FNDC3B: variants seen among roughly 807,000 people sequenced by gnomAD.
FNDC3B encodes fibronectin type III domain containing 3B.
A neutral mutation model predicts 151.5 loss-of-function variants in FNDC3B; 12 were observed. The ratio of observed to expected loss-of-function variants is 0.08; its 90% CI spans 0.05 to 0.13. The LOEUF (loss-of-function observed/expected upper bound fraction) is 0.13, where lower values mean the gene tolerates loss of function less well. Ranked by LOEUF, FNDC3B falls within the 10% of genes least tolerant of loss-of-function variation. The probability of loss-of-function intolerance (pLI) is 1.00; values close to 1 mark genes in which losing one functional copy is unlikely to be tolerated. For missense variants in FNDC3B, 1,214 were observed against 1,505.3 expected (o/e 0.81, Z 3.20); for synonymous variants, 528 against 549.0 (o/e 0.96, Z 0.54).
At chr3:172,169,176 G>A (rs572972456) in intron 3 of FNDC3B, among the ~76,000 whole-genome samples, 7 of 152,230 alleles carry the variant, frequency 4.6e-5, no homozygotes, top group Non-Finnish European at 8.8e-5. Flanking sequence ...GTCAGCACTC[G>A]GTCATGTCTG....
chr3:172,299,268 A>G (rs1730783398), intron 9 of FNDC3B, among the ~76,000 whole-genome samples: 1 of 152,240 alleles, frequency 6.6e-6, no homozygotes, highest in Non-Finnish European at 1.5e-5. Context: ...TCTGATGAGA[A>G]TTAACTCAAT....
intron 1 of FNDC3B, among the ~76,000 whole-genome samples, chr3:172,043,788 T>A (rs1048842943): frequency 1.3e-5 from 2 of 152,202 alleles, no homozygotes; most frequent in African/African-American, 4.8e-5. Flanking sequence ...ATCTTTAAAT[T>A]GTATCTTTTT....
At chr3:172,262,181 A>C (rs1576850167) in intron 6 of FNDC3B, among the ~76,000 whole-genome samples, 2 of 152,366 alleles carry the variant, frequency 1.3e-5, no homozygotes, top group East Asian at 3.9e-4. Flanking sequence ...AAAAATGGGC[A>C]GAAAATAAGA....
chr3:172,262,837 C>T (rs1039577535), intron 6 of FNDC3B, among the ~76,000 whole-genome samples: 5 of 122,938 alleles, frequency 4.1e-5, no homozygotes, highest in Non-Finnish European at 7.9e-5. Context: ...GTCAAAACTG[C>T]AGTGAGTGTT....
At chr3:172,154,621 G>C (rs192026698) in intron 3 of FNDC3B, among the ~76,000 whole-genome samples, 44 of 152,260 alleles carry the variant, frequency 2.9e-4, no homozygotes, top group African/African-American at 9.6e-4. Flanking sequence ...CCGGAGCCCA[G>C]CTGCTCATCT....
At chr3:172,250,060 T>C (rs1727989356) in intron 5 of FNDC3B, among the ~76,000 whole-genome samples, 1 of 152,198 alleles carries the variant, frequency 6.6e-6, no homozygotes, top group Non-Finnish European at 1.5e-5. Flanking sequence ...TTTTTTCTTA[T>C]AAAGATGTAA....
At chr3:172,131,592 A>G (rs934953280) in intron 2 of FNDC3B, among the ~76,000 whole-genome samples, 2 of 152,222 alleles carry the variant, frequency 1.3e-5, no homozygotes, top group Admixed American at 6.5e-5. Context: ...AATGAGAAGC[A>G]CCAAGGGTGA....
At chr3:172,385,914 ATGTTTTGTTTG>A (rs1735687423) in intron 25 of FNDC3B, among the ~76,000 whole-genome samples, 1 of 152,006 alleles carries the variant, frequency 6.6e-6, no homozygotes, top group African/African-American at 2.4e-5. Flanking sequence ...GCCTTTTCTG[ATGTTTTGTTTG>A]AAGCATCAAC....
intron 3 of FNDC3B, among the ~76,000 whole-genome samples, chr3:172,192,326 C>A (rs1267255541): frequency 6.6e-6 from 1 of 151,848 alleles, no homozygotes; most frequent in Non-Finnish European, 1.5e-5. Context: ...GCATGTGCCA[C>A]CACCCCTGGC....
intron 3 of FNDC3B, among the ~76,000 whole-genome samples, chr3:172,184,705 C>A (rs1576774851): frequency 6.6e-6 from 1 of 152,146 alleles, no homozygotes; most frequent in Non-Finnish European, 1.5e-5. Context: ...GTTGGAAACA[C>A]CAACATTCTA....
At chr3:172,283,930 A>G (rs1729871539) in intron 6 of FNDC3B, among the ~76,000 whole-genome samples, 1 of 151,766 alleles carries the variant, frequency 6.6e-6, no homozygotes, top group Admixed American at 6.5e-5. Flanking sequence ...AAAAGGCTAC[A>G]GTTTTCAAAA....
intron 3 of FNDC3B, among the ~76,000 whole-genome samples, chr3:172,207,916 C>T (rs1051745311): frequency 2.6e-5 from 4 of 152,044 alleles, no homozygotes; most frequent in Admixed American, 1.3e-4. Flanking sequence ...CACTGCACTC[C>T]GGCCTGGGCA....
Position 172,251,446 on chromosome 3 carries a change from G to A in FNDC3B, c.695G>A (p.Gly232Glu). ...YNGYGKGHSG[G>E]SGGGGSGSGP... ...GGCTATGGGAAGGGCCATAGTGGTG[G>A]AAGTGGCGGAGGCGGCAGCGGTAGT... Residue 232 changes from glycine (G) to glutamate (E), a missense_variant, in exon 6 of 26, where the codon GGA becomes GAA. Physicochemically the swap from Gly to Glu is moderately conservative, Grantham distance 98. This residue lies in a region of FNDC3B where 166 missense variants were observed against 173.2 expected (regional missense o/e 0.96). Coordinates refer to ENST00000415807, the MANE Select transcript of FNDC3B (RefSeq NM_022763.4). 6.2e-7 allele frequency: 1 copy of A among 1,614,164 alleles called. No individual in the cohort carries two copies. The highest frequency in any genetic ancestry group is 8.5e-7 in the Non-Finnish European group (1 of 1,180,010).
At chr3:172,298,458 A>G (rs1293479680) in intron 8 of FNDC3B, among the ~76,000 whole-genome samples, 2 of 152,178 alleles carry the variant, frequency 1.3e-5, no homozygotes, top group Non-Finnish European at 2.9e-5. Context: ...ATATGTATTT[A>G]CTCGTAAGAA....
At chr3:172,356,669 T>C (rs975076602) in intron 22 of FNDC3B, among the ~76,000 whole-genome samples, 2 of 152,172 alleles carry the variant, frequency 1.3e-5, no homozygotes, top group African/African-American at 4.8e-5. Flanking sequence ...CAGGAAGCCT[T>C]CTATGAATAA....
At chr3:172,181,920 C>A (rs73167241) in intron 3 of FNDC3B, among the ~76,000 whole-genome samples, 2,506 of 151,184 alleles carry the variant, frequency 0.017, 34 homozygotes, top group Non-Finnish European at 0.024. Flanking sequence ...CTCAGTGTTT[C>A]CCAGACTGCT....
chr3:172,304,860 G>A (rs771534843), intron 9 of FNDC3B, among the ~76,000 whole-genome samples: 2 of 148,140 alleles, frequency 1.4e-5, no homozygotes, highest in Non-Finnish European at 3.0e-5. Flanking sequence ...TCATGCCATT[G>A]CACCCCAGCC....
At chr3:172,315,348 G>A (rs1441638507) in intron 11 of FNDC3B, among the ~76,000 whole-genome samples, 1 of 152,228 alleles carries the variant, frequency 6.6e-6, no homozygotes, top group African/African-American at 2.4e-5. Flanking sequence ...CTGCGCTCCA[G>A]CCTGGGCGAC....
chr3:172,281,211 A>ATT (rs1206078014), intron 6 of FNDC3B, among the ~76,000 whole-genome samples: 2,485 of 134,994 alleles, frequency 0.018, 40 homozygotes, highest in African/African-American at 0.036. Context: ...TATTATTATT[A>ATT]TTTATATTTA....
Sources: gnomAD v4.1 joint callset for allele counts (sites outside exome capture counted in the v4.1 genomes callset) on GRCh38, gnomAD v4.1.1 for gene constraint, gnomAD v4.1.1 regional missense constraint, MANE v1.5 for transcripts, NCBI Gene and HGNC (gene_info 2026-07-23, HGNC 2026-07-21) for gene names.